Variants in RNF150 observed in about 807,000 individuals in gnomAD.
RNF150 encodes ring finger protein 150.
Under a neutral mutation model 39.3 loss-of-function variants are expected in RNF150, and 24 were observed. That is an observed-to-expected ratio of 0.61 (90% confidence interval 0.44 to 0.86). The LOEUF (loss-of-function observed/expected upper bound fraction) is 0.86. Among genes scored for constraint, RNF150 ranks in the 40% least tolerant of loss-of-function variants. RNF150 has a pLI of 0.00. For synonymous variants in RNF150, 255 were observed against 227.3 expected (o/e 1.12, Z -1.10); for missense variants, 502 against 587.8 (o/e 0.85, Z 1.51).
At chr4:141,202,403 T>C (rs1275297700) in intron 1 of RNF150, among the ~76,000 whole-genome samples, 1 of 152,156 alleles carries the variant, frequency 6.6e-6, no homozygotes, top group Non-Finnish European at 1.5e-5. Flanking sequence ...ATCATTCTTG[T>C]TTTAAACATA....
At chr4:141,043,449 T>A (rs1011891200) in intron 1 of RNF150, among the ~76,000 whole-genome samples, 1 of 152,144 alleles carries the variant, frequency 6.6e-6, no homozygotes, top group Non-Finnish European at 1.5e-5. Flanking sequence ...AGCAAAAACA[T>A]TTTTTCTGAA....
At chr4:141,037,505 G>A (rs1736190471) in intron 1 of RNF150, among the ~76,000 whole-genome samples, 1 of 152,142 alleles carries the variant, frequency 6.6e-6, no homozygotes, top group South Asian at 2.1e-4. Context: ...TGAAGGAAAT[G>A]AAATTGCTCA....
chr4:141,150,578 C>T (rs540809058), intron 1 of RNF150, among the ~76,000 whole-genome samples: 44 of 152,336 alleles, frequency 2.9e-4, no homozygotes, highest in Non-Finnish European at 5.4e-4. Context: ...CATTCCATCT[C>T]TCTTAGAGTA....
chr4:141,027,918 T>TG (rs1445173471), intron 1 of RNF150, among the ~76,000 whole-genome samples: 4,165 of 64,474 alleles, frequency 0.065, 678 homozygotes, highest in East Asian at 0.09. Context: ...ATTTGTTTTT[T>TG]TTTTTTTGTT....
At chr4:140,957,013 A>T (rs1432160648) in intron 2 of RNF150, among the ~76,000 whole-genome samples, 1 of 149,856 alleles carries the variant, frequency 6.7e-6, no homozygotes, top group East Asian at 1.9e-4. Context: ...TTCATGTCTA[A>T]AACACCAAAA....
rs1029543389 is a variant in RNF150, at chr4:140,866,416, T to C, written c.*1845A>G. 1.3e-5 allele frequency: 2 copies of C among 152,234 alleles called. No homozygotes were observed. The highest frequency in any genetic ancestry group is 4.8e-5 in the African/African-American group (2 of 41,462). The allele number at this position is 152,234 out of a possible 1,614,324, so 9.4% of individuals were successfully genotyped here. ...CTAGGATTCTCGATTCAGAGCTCTC[T>C]TCATTCCTCCCTGCCTCTTTTCCCA... On this transcript the variant is annotated 3_prime_UTR_variant, in exon 7 of 7. Transcript: ENST00000515673.
At chr4:141,133,494 G>A (rs1356921971), upstream of RNF150, 1 of 149,340 alleles carries the variant, frequency 6.7e-6, no homozygotes, top group Non-Finnish European at 1.5e-5. Flanking sequence ...GTGTGTGTGT[G>A]TATAATGTGT....
intron 1 of RNF150, among the ~76,000 whole-genome samples, chr4:141,015,356 C>T (rs987147381): frequency 2.0e-5 from 3 of 152,134 alleles, no homozygotes; most frequent in Admixed American, 6.6e-5. Flanking sequence ...AGTATGAACA[C>T]CTGTTCAACA....
chr4:140,876,467 T>C (rs1280065092), intron 6 of RNF150, among the ~76,000 whole-genome samples: 1 of 152,204 alleles, frequency 6.6e-6, no homozygotes, highest in Non-Finnish European at 1.5e-5. Flanking sequence ...CCACTTGGTT[T>C]ATGTTTTCCC....
intron 5 of RNF150, among the ~76,000 whole-genome samples, chr4:140,921,281 G>T (rs1731130265): frequency 6.6e-6 from 1 of 151,042 alleles, no homozygotes; most frequent in African/African-American, 2.4e-5. Context: ...AATGGCAAAG[G>T]GGATATCACC....
chr4:140,885,379 A>ATC (rs1729528857), intron 6 of RNF150, among the ~76,000 whole-genome samples: 1 of 137,826 alleles, frequency 7.3e-6, no homozygotes, highest in Non-Finnish European at 1.5e-5. Flanking sequence ...TTATATATAT[A>ATC]TTATATATAA....
chr4:141,080,829 G>A (rs10018753), intron 1 of RNF150, among the ~76,000 whole-genome samples: 19,943 of 152,166 alleles, frequency 0.13, 1,945 homozygotes, highest in East Asian at 0.52. Flanking sequence ...CACCAGTAGA[G>A]GCAAAGGTAC....
At chr4:141,050,232 T>A (rs1025460287) in intron 1 of RNF150, among the ~76,000 whole-genome samples, 13 of 152,242 alleles carry the variant, frequency 8.5e-5, no homozygotes, top group African/African-American at 1.7e-4. Flanking sequence ...TTTTATTATT[T>A]TTTTTTCCTC....
At position 140,926,002 on chromosome 4, in the gene RNF150, T is replaced by C; in HGVS notation, c.962A>G (p.Asn321Ser). Residue 321 changes from asparagine (N) to serine (S), a missense_variant, in exon 5 of 7, where the codon AAC (asparagine) becomes AGC (serine). Asn to Ser is a conservative substitution (Grantham distance 46). Coordinates refer to ENST00000515673, the MANE Select transcript of RNF150 (RefSeq NM_020724.2). ...CGGGATCCCTAGGGCTTTAAGAATG[T>C]TCATCTTGCACATGGGACAGGTACG... ...DHRTCPMCKM[N>S]ILKALGIPPN... The C allele has an allele frequency of 1.2e-6, 2 of 1,613,674 alleles. No homozygotes were observed. Among genetic ancestry groups the C allele is most frequent in the Non-Finnish European group, 1.7e-6 (2 of 1,179,570 alleles).
At chr4:141,200,124 G>A (rs28596485) in intron 1 of RNF150, among the ~76,000 whole-genome samples, 43,847 of 151,998 alleles carry the variant, frequency 0.29, 6,757 homozygotes, top group African/African-American at 0.39. Flanking sequence ...GCTTATATAA[G>A]CAAGATAAAT....
chr4:141,136,298 T>C (rs949406708), upstream of RNF150, among the ~76,000 whole-genome samples: 1 of 152,182 alleles, frequency 6.6e-6, no homozygotes, highest in African/African-American at 2.4e-5. Context: ...GCTATGTACA[T>C]TGAAGAATTT....
chr4:141,208,958 C>T (rs1728419169), intron 1 of RNF150, among the ~76,000 whole-genome samples: 1 of 152,090 alleles, frequency 6.6e-6, no homozygotes, highest in Non-Finnish European at 1.5e-5. Flanking sequence ...ACTATACATC[C>T]TGTAGGTTTG....
At chr4:141,068,084 T>TC (rs965238408) in intron 1 of RNF150, among the ~76,000 whole-genome samples, 1 of 152,060 alleles carries the variant, frequency 6.6e-6, no homozygotes, top group Non-Finnish European at 1.5e-5. Context: ...TAGCTGGGAC[T>TC]CCAAGTATGC....
chr4:140,924,141 A>C (rs1731286199), intron 5 of RNF150, among the ~76,000 whole-genome samples: 1 of 152,108 alleles, frequency 6.6e-6, no homozygotes, highest in Admixed American at 6.6e-5. Context: ...ATCTTTACCA[A>C]ATCCAAAAGA....
Sources: allele counts gnomAD v4.1 joint callset (sites outside exome capture counted in the v4.1 genomes callset), GRCh38; gene constraint gnomAD v4.1.1; transcripts MANE v1.5; gene names NCBI Gene and HGNC (gene_info 2026-07-23, HGNC 2026-07-21).